UNKL: variants seen among roughly 807,000 people sequenced by gnomAD.
UNKL encodes the protein unk like zinc finger.
Under a neutral mutation model 78.0 loss-of-function variants are expected in UNKL, and 60 were observed. That is an observed-to-expected ratio of 0.77 (90% CI 0.63 to 0.95). The LOEUF is 0.95. Among genes scored for constraint, UNKL ranks in the 40% least tolerant of loss-of-function variants. UNKL has a pLI of 0.00. For synonymous variants in UNKL, 608 were observed against 474.8 expected (o/e 1.28, Z -3.65); for missense variants, 1,159 against 1,045.7 (o/e 1.11, Z -1.49).
intron 11 of UNKL, among the ~76,000 whole-genome samples, chr16:1,370,850 A>G (rs942487757): frequency 9.8e-5 from 15 of 152,316 alleles, no homozygotes; most frequent in South Asian, 8.3e-4. Context: ...TTGGGAGGCC[A>G]AGGCGGGCAG....
At chr16:1,368,285 T>C (rs909089883) in intron 12 of UNKL, 2 of 180,406 alleles carry the variant, frequency 1.1e-5, no homozygotes, top group Non-Finnish European at 2.3e-5. Flanking sequence ...TTAGAGACTA[T>C]GACTGAAATA....
chr16:1,399,493 C>A lies in UNKL; in HGVS notation c.615G>T (p.Leu205=). The change falls in exon 5 of 15, where the codon CTG becomes CTT. Residue 205 remains leucine (L), a synonymous_variant. Transcript: ENST00000389221. This position sits in a 1 kb window ranked among gnomAD's most constrained non-coding sequence, Gnocchi z 5.8. ...DPRWQDANFV[L]GSYKTEQCPK... is the part of the protein sequence containing the mutation. ...GGCACTGCTCCGTCTTGTAGCTGCCCAGCACGAAGTTGGCATCTGAAAAAT... is the reference window on the plus strand; with the variant it reads ...GGCACTGCTCCGTCTTGTAGCTGCCAAGCACGAAGTTGGCATCTGAAAAAT... The A allele has an allele frequency of 6.3e-7, 1 of 1,598,124 alleles. No individual in the cohort carries two copies. Among genetic ancestry groups the A allele is most frequent in the Non-Finnish European group, 8.5e-7 (1 of 1,173,334 alleles).
chr16:1,381,476 C>T (rs1372390279), intron 10 of UNKL, among the ~76,000 whole-genome samples: 7 of 152,068 alleles, frequency 4.6e-5, no homozygotes, highest in Non-Finnish European at 1.5e-5. Flanking sequence ...AAAAATTAGC[C>T]GGGCATGATG....
At chr16:1,400,046 G>A (rs2037448701) in intron 4 of UNKL, among the ~76,000 whole-genome samples, 1 of 152,120 alleles carries the variant, frequency 6.6e-6, no homozygotes, top group Non-Finnish European at 1.5e-5. Context: ...GAGGGGGCAG[G>A]GGGTGTTTGG....
Position 1,399,602 on chromosome 16 carries a change from A to C in UNKL, c.599-93T>G. 1 of 1,521,844 alleles carries C rather than the reference A, an allele frequency of 6.6e-7. No individual in the cohort carries two copies. The highest frequency in any genetic ancestry group is 8.8e-7 in the Non-Finnish European group (1 of 1,135,742). 94.3% of individuals were successfully genotyped at this position (1,521,844 alleles called of 1,614,324 possible). On this transcript the variant is annotated intron_variant, in intron 4 of 14. Transcript: ENST00000389221. This position sits in a 1 kb window ranked among gnomAD's most constrained non-coding sequence, Gnocchi z 5.8. Reference sequence around the variant, plus strand: ...GGTGGAAGGACCTGGCTGTCCCCCAAATGGAAGGGGCTGCAGGAGGACTTG... The same window carrying C: ...GGTGGAAGGACCTGGCTGTCCCCCACATGGAAGGGGCTGCAGGAGGACTTG...
intron 9 of UNKL, among the ~76,000 whole-genome samples, chr16:1,386,585 A>G (rs758601318): frequency 2.8e-4 from 42 of 152,204 alleles, no homozygotes; most frequent in Non-Finnish European, 5.4e-4. Context: ...AAATATTACA[A>G]TTCAAATGGT....
At chr16:1,392,795 G>A (rs1360660696) in intron 8 of UNKL, 96 bp downstream of exon 8, 37 of 1,413,010 alleles carry the variant, frequency 2.6e-5, no homozygotes, top group Non-Finnish European at 3.4e-5. Context: ...GACTGCCCAC[G>A]ACCACATTGC....
intron 2 of UNKL, among the ~76,000 whole-genome samples, chr16:1,411,532 A>C (rs1254826490): frequency 1.3e-5 from 2 of 151,026 alleles, no homozygotes; most frequent in Non-Finnish European, 1.5e-5. Flanking sequence ...ACCCTGTCTC[A>C]AAAAACAAAA....
intron 10 of UNKL, 115 bp from the exon 11 acceptor site, chr16:1,371,726 G>T: frequency 1.8e-6 from 2 of 1,103,766 alleles, no homozygotes; most frequent in Non-Finnish European, 2.5e-6. Context: ...AGGGCAGAAG[G>T]CGTGGGAGTT....
At chr16:1,390,055 C>T (rs113902359) in intron 9 of UNKL, among the ~76,000 whole-genome samples, 167 of 152,248 alleles carry the variant, frequency 1.1e-3, no homozygotes, top group African/African-American at 3.3e-3. Flanking sequence ...GGCACGATCT[C>T]GGCTCACTGC....
At chr16:1,370,514 G>A (rs1237420923) in intron 11 of UNKL, among the ~76,000 whole-genome samples, 157 bp from the exon 12 acceptor site, 44 of 152,192 alleles carry the variant, frequency 2.9e-4, no homozygotes, top group Admixed American at 2.9e-3. Context: ...CACCATCTAT[G>A]TGTTTGGAGC....
chr16:1,392,465 T>C (rs4984829), intron 8 of UNKL, among the ~76,000 whole-genome samples: 139,892 of 151,812 alleles, frequency 0.92, 64,553 homozygotes, highest in East Asian at 1. Flanking sequence ...GATGGGGTCT[T>C]ATTCTGTCAC....
At chr16:1,398,679 G>GCGGCCCC (rs2037380195) in intron 5 of UNKL, 23 of 1,356,022 alleles carry the variant, frequency 1.7e-5, no homozygotes, top group Non-Finnish European at 2.1e-5. Context: ...TGTGGGGTCT[G>GCGGCCCC]CACCCCCCCA....
chr16:1,374,388 G>A (rs2036053284), intron 10 of UNKL, among the ~76,000 whole-genome samples: 1 of 152,156 alleles, frequency 6.6e-6, no homozygotes, highest in East Asian at 1.9e-4. Flanking sequence ...CTCTGAGACA[G>A]GCAAAGCCAC....
rs1216474551 is a variant in UNKL at position 1,363,595 on chromosome 16, A to C, written c.*2645T>G. 3 of 213,510 alleles carry C rather than the reference A, an allele frequency of 1.4e-5. No individual in the cohort carries two copies. The highest frequency in any genetic ancestry group is 2.9e-5 in the Non-Finnish European group (3 of 104,106). 13.2% of individuals were successfully genotyped at this position (213,510 alleles called of 1,614,324 possible). Reference sequence around the variant, plus strand: ...CCAGCTCCTACGCCCCGTGCCCGCCATGGCCACAGGGGGGAGCTGCTGGGC... The same window carrying C: ...CCAGCTCCTACGCCCCGTGCCCGCCCTGGCCACAGGGGGGAGCTGCTGGGC... On this transcript the variant is annotated 3_prime_UTR_variant, in exon 15 of 15. Transcript: ENST00000389221.
At position 1,365,371 on chromosome 16, in the gene UNKL, T is replaced by C. The variant is rs2035159291; in HGVS notation, c.*869A>G. On this transcript the variant is annotated 3_prime_UTR_variant, in exon 15 of 15. Coordinates refer to ENST00000389221, the MANE Select transcript of UNKL (RefSeq NM_001372107.1). ...CGTTTTTTGTTAGTATCAAACTGTC[T>C]TTCAGAGGGTTAAGGGAGAAAACAA... 6.6e-6 allele frequency: 1 copy of C among 152,242 alleles called. No individual in the cohort carries two copies. The highest frequency in any genetic ancestry group is 2.4e-5 in the African/African-American group (1 of 41,454). 9.4% of individuals were successfully genotyped at this position (152,242 alleles called of 1,614,324 possible). A position where few individuals can be genotyped will look rare whatever the true frequency, so the allele number is the denominator to read the frequency against.
At position 1,402,326 on chromosome 16, in the gene UNKL, A is replaced by G. The variant is rs570783610; in HGVS notation, c.465-625T>C. 3.9e-5 allele frequency among the ~76,000 whole-genome samples: 6 copies of G among 152,362 alleles called. No individual in the cohort carries two copies. The East Asian group carries it at 1.2e-3, about 29-fold the overall frequency. On this transcript the variant is annotated intron_variant, in intron 3 of 14. Coordinates refer to ENST00000389221, the MANE Select transcript of UNKL (RefSeq NM_001372107.1). ...GTGAGCTGCCCTCCGGGCCCAGAAG[A>G]GAAACACACAGTGAGAAGAGCTGAA...
chr16:1,404,904 AGAAG>A, intron 2 of UNKL, among the ~76,000 whole-genome samples: 1 of 152,256 alleles, frequency 6.6e-6, no homozygotes, highest in East Asian at 1.9e-4. Context: ...TTTCAGACTT[AGAAG>A]GAAGGACTGG....
At chr16:1,367,499 T>G (rs1179494995) in intron 13 of UNKL, 150 bp from the exon 14 acceptor site, 2 of 101,238 alleles carry the variant, frequency 2.0e-5, no homozygotes, top group Admixed American at 3.7e-4. Context: ...CCTCCCTCCC[T>G]CCCTCCCTCC....
Sources: allele counts gnomAD v4.1 joint callset (sites outside exome capture counted in the v4.1 genomes callset), GRCh38; gene constraint gnomAD v4.1.1; non-coding constraint Gnocchi (gnomAD v3.1); transcripts MANE v1.5; gene names NCBI Gene and HGNC (gene_info 2026-07-23, HGNC 2026-07-21).